The following LMTK2 variants were observed in gnomAD, a reference collection of about 807,000 sequenced individuals.
The protein encoded by LMTK2 is serine/threonine-protein kinase LMTK2.
In LMTK2, 37 loss-of-function variants were observed where a neutral mutation model predicts 127.5. The observed-to-expected ratio is 0.29, with a 90% CI of 0.22 to 0.38. The LOEUF is 0.38. Among genes scored for constraint, LMTK2 ranks in the 10% least tolerant of loss-of-function variants. The probability of loss-of-function intolerance (pLI) is 1.00; values close to 1 mark genes in which losing one functional copy is unlikely to be tolerated. For synonymous variants in LMTK2, 819 were observed against 810.1 expected (o/e 1.01, Z -0.19); for missense variants, 1,694 against 1,920.3 (o/e 0.88, Z 2.20).
chr7:98,170,736 T>C (rs1338139675), intron 6 of LMTK2, among the ~76,000 whole-genome samples: 2 of 152,138 alleles, frequency 1.3e-5, no homozygotes, highest in African/African-American at 2.4e-5. Flanking sequence ...CCTCAGAAGG[T>C]GTTCCCCATA....
Position 98,193,615 on chromosome 7 carries a change from C to T in LMTK2, c.3150C>T (p.Gly1050=), listed in dbSNP as rs757965564. 7 of 1,613,918 alleles carry T rather than the reference C, an allele frequency of 4.3e-6. No individual in the cohort carries two copies. Among genetic ancestry groups the T allele is most frequent in the East Asian group, 4.5e-5 (2 of 44,892 alleles). Residue 1050 remains glycine, a synonymous_variant, in exon 11 of 14, where the codon GGC becomes GGT. Coordinates refer to ENST00000297293, the MANE Select transcript of LMTK2 (RefSeq NM_014916.4). This position sits in a 1 kb window ranked among gnomAD's most constrained non-coding sequence, Gnocchi z 4.1. Reference sequence around the variant, plus strand: ...GGACCTTGCATCCCGCTCCCGAGGGCACCGCAGACTCAGAACCAGCCACCA... The same window carrying T: ...GGACCTTGCATCCCGCTCCCGAGGGTACCGCAGACTCAGAACCAGCCACCA... ...PEWTLHPAPE[G]TADSEPATTG... is the part of the protein sequence containing the mutation.
chr7:98,192,563 T>C lies in LMTK2; in HGVS notation c.2098T>C (p.Cys700Arg), dbSNP rs763070705. ...PRKIFDSEPL[C>R]LSDNLMHQDN... ...TAAGATTTTTGACAGTGAGCCTCTC[T>C]GCCTATCAGATAATCTTATGCACCA... Residue 700 changes from cysteine (C) to arginine (R), a missense_variant, in exon 11 of 14, where the codon TGC becomes CGC. Around this residue, in one of 8 missense-constraint regions of LMTK2, gnomAD observed 527 missense variants for 539.8 expected, o/e 0.98. Transcript: ENST00000297293. 2.5e-6 allele frequency: 4 copies of C among 1,613,382 alleles called. No individual in the cohort carries two copies. The highest frequency in any genetic ancestry group is 4.5e-5 in the East Asian group (2 of 44,890).
chr7:98,192,125 C>A lies in LMTK2; in HGVS notation c.1660C>A (p.Gln554Lys), dbSNP rs1171484374. ...TTCTGTTGGAAGCGACTATTATATC[C>A]AGTTAGAAGAAAAAAGTGGTAGTAA... is the stretch of plus-strand genomic sequence containing the variant. The part of the protein sequence containing the change: ...NLSVGSDYYI[Q>K]LEEKSGSNLE... The change falls in exon 11 of 14, where the codon CAG becomes AAG. Residue 554 changes from glutamine (Q) to lysine (K), a missense_variant. This residue lies in a region of LMTK2 where 527 missense variants were observed against 539.8 expected (regional missense o/e 0.98). Coordinates refer to ENST00000297293, the MANE Select transcript of LMTK2 (RefSeq NM_014916.4). 1 of 1,538,538 alleles carries A rather than the reference C, an allele frequency of 6.5e-7. No individual in the cohort carries two copies. Among genetic ancestry groups the A allele is most frequent in the Admixed American group, 2.1e-5 (1 of 46,982 alleles).
chr7:98,150,452 G>A (rs956337623), intron 3 of LMTK2, among the ~76,000 whole-genome samples: 1 of 152,208 alleles, frequency 6.6e-6, no homozygotes, highest in Non-Finnish European at 1.5e-5. Flanking sequence ...GTTTTAGGAA[G>A]CAGTTGGCAG....
chr7:98,108,457 G>C (rs1472981087), intron 1 of LMTK2, among the ~76,000 whole-genome samples: 1 of 152,176 alleles, frequency 6.6e-6, no homozygotes, highest in Non-Finnish European at 1.5e-5. Context: ...GCTACATCAG[G>C]GTTTGTCATT....
rs1297975526 is a variant in LMTK2 at position 98,193,902 on chromosome 7, C to G, written c.3437C>G (p.Pro1146Arg). 6.2e-7 allele frequency: 1 copy of G among 1,614,158 alleles called. No homozygotes were observed. Among genetic ancestry groups the G allele is most frequent in the Non-Finnish European group, 8.5e-7 (1 of 1,180,032 alleles). The change falls in exon 11 of 14, where the codon CCT becomes CGT. Residue 1146 changes from proline to arginine, a missense_variant. This residue lies in a region of LMTK2 where 554 missense variants were observed against 567.7 expected (regional missense o/e 0.98). Coordinates refer to ENST00000297293, the MANE Select transcript of LMTK2 (RefSeq NM_014916.4). This position sits in a 1 kb window ranked among gnomAD's most constrained non-coding sequence, Gnocchi z 4.1. ...GAGCCAGTCCTCCCCGAGCAAAGTC[C>G]TGCTGCCCAGGATAGCTGCCTGGAA... The part of the protein sequence containing the change: ...LPEPVLPEQS[P>R]AAQDSCLEAR...
At chr7:98,182,930 G>A (rs984346273) in intron 7 of LMTK2, among the ~76,000 whole-genome samples, 1 of 152,174 alleles carries the variant, frequency 6.6e-6, no homozygotes, top group Non-Finnish European at 1.5e-5. Context: ...TGGGGAGGGG[G>A]CGATCAGATT....
rs1797198113 is a variant in LMTK2 at position 98,171,898 on chromosome 7, C to T, written c.791+224C>T. Among the ~76,000 whole-genome samples, 1 of 152,174 alleles carries T rather than the reference C, an allele frequency of 6.6e-6. No homozygotes were observed. The highest frequency in any genetic ancestry group is 2.4e-5 in the African/African-American group (1 of 41,434). The stretch of plus-strand genomic sequence containing the variant: ...GATGTCTTAATACATTTATTATTTC[C>T]AGCATTTCAAAGAATGTGAATAGTT... On this transcript the variant is annotated intron_variant, in intron 7 of 13. Coordinates refer to ENST00000297293, the MANE Select transcript of LMTK2 (RefSeq NM_014916.4). This position sits in a 1 kb window ranked among gnomAD's most constrained non-coding sequence, Gnocchi z 5.1.
intron 6 of LMTK2, among the ~76,000 whole-genome samples, chr7:98,162,908 G>A (rs78245063): frequency 0.012 from 1,851 of 152,272 alleles, 17 homozygotes; most frequent in Admixed American, 0.02. Context: ...TGGGTGAATG[G>A]ATAAACCAAA....
chr7:98,171,584 G>C lies in LMTK2; in HGVS notation c.701G>C (p.Arg234Pro), dbSNP rs755759182. 14 of 1,613,536 alleles carry C rather than the reference G, an allele frequency of 8.7e-6. No individual in the cohort carries two copies. The East Asian group carries it at 8.9e-5, about 10-fold the overall frequency. ...CTGCGCAGCGAGCAGGAGCACATGC[G>C]GGGGGACTCACAGACCATGCTGCTG... Reference protein sequence around the residue: ...AYLRSEQEHMRGDSQTMLLQR... With the variant: ...AYLRSEQEHMPGDSQTMLLQR... The change falls in exon 7 of 14, where the codon CGG (arginine) becomes CCG (proline). Residue 234 changes from arginine (R) to proline (P), a missense_variant. This residue lies in a region of LMTK2 where 203 missense variants were observed against 226.2 expected (regional missense o/e 0.90). Coordinates refer to ENST00000297293, the MANE Select transcript of LMTK2 (RefSeq NM_014916.4). The surrounding 1 kb of genome is among the most constrained non-coding windows in gnomAD (Gnocchi z 5.1).
rs1166888180 is a variant in LMTK2 at position 98,192,609 on chromosome 7, A to G, written c.2144A>G (p.Asn715Ser). The part of the protein sequence containing the change: ...LMHQDNFDPL[N>S]VQELSENFLF... ...CACCAAGATAATTTTGATCCATTGA[A>G]TGTTCAAGAATTGTCAGAAAACTTT... The change falls in exon 11 of 14, where the codon AAT becomes AGT. Residue 715 changes from asparagine (N) to serine (S), a missense_variant. This residue lies in a region of LMTK2 where 527 missense variants were observed against 539.8 expected (regional missense o/e 0.98). Coordinates refer to ENST00000297293, the MANE Select transcript of LMTK2 (RefSeq NM_014916.4). The G allele has an allele frequency of 1.2e-6, 2 of 1,613,134 alleles. No individual in the cohort carries two copies. The highest frequency in any genetic ancestry group is 2.2e-5 in the East Asian group (1 of 44,882).
intron 2 of LMTK2, among the ~76,000 whole-genome samples, chr7:98,140,081 T>TTA (rs1562902435): frequency 5.1e-4 from 56 of 110,508 alleles, no homozygotes; most frequent in African/African-American, 1.9e-3. Flanking sequence ...TCCACAACTT[T>TTA]CTTTCTTTCT....
rs772476403 is a variant in LMTK2 at position 98,194,433 on chromosome 7, G to A, written c.3968G>A (p.Ser1323Asn). The A allele has an allele frequency of 1.9e-6, 3 of 1,614,142 alleles. No individual in the cohort carries two copies. The highest frequency in any genetic ancestry group is 2.2e-5 in the East Asian group (1 of 44,870). Reference protein sequence around the residue: ...ETEHPVPIILSNEDGRHLRSL... With the variant: ...ETEHPVPIILNNEDGRHLRSL... ...GAGCACCCCGTGCCCATCATCCTCA[G>A]CAACGAGGACGGAAGGCACCTGCGG... is the stretch of plus-strand genomic sequence containing the variant. The change falls in exon 11 of 14, where the codon AGC becomes AAC. Residue 1323 changes from serine to asparagine, a missense_variant. This residue lies in a region of LMTK2 where 554 missense variants were observed against 567.7 expected (regional missense o/e 0.98). Transcript: ENST00000297293. The surrounding 1 kb of genome is among the most constrained non-coding windows in gnomAD (Gnocchi z 5.4).
intron 10 of LMTK2, 62 bp downstream of exon 10, chr7:98,190,939 CA>C: frequency 1.5e-6 from 2 of 1,374,474 alleles, no homozygotes; most frequent in Non-Finnish European, 2.0e-6. Context: ...CCCCAAAACA[CA>C]AAAAAATTCG....
At chr7:98,199,345 T>C (rs1797675436) in intron 11 of LMTK2, among the ~76,000 whole-genome samples, 1 of 152,252 alleles carries the variant, frequency 6.6e-6, no homozygotes, top group Non-Finnish European at 1.5e-5. Context: ...CTATTTCTCT[T>C]TTCATTTCTG....
intron 1 of LMTK2, among the ~76,000 whole-genome samples, chr7:98,111,762 A>G (rs1452710654): frequency 1.3e-5 from 2 of 152,258 alleles, no homozygotes; most frequent in Admixed American, 6.5e-5. Context: ...GTAGCTGCGT[A>G]ACATGGCATG....
chr7:98,158,142 T>C (rs1796957390), intron 5 of LMTK2, among the ~76,000 whole-genome samples: 1 of 152,246 alleles, frequency 6.6e-6, no homozygotes. Flanking sequence ...ATATTTTCTT[T>C]TGGACACAAT....
intron 11 of LMTK2, among the ~76,000 whole-genome samples, chr7:98,202,533 A>C (rs1297380266): frequency 6.6e-6 from 1 of 152,146 alleles, no homozygotes; most frequent in East Asian, 1.9e-4. Context: ...CCATGTGTAA[A>C]TGCTGTGAAT....
intron 1 of LMTK2, among the ~76,000 whole-genome samples, chr7:98,126,062 C>T (rs1796439849): frequency 6.6e-6 from 1 of 152,162 alleles, no homozygotes; most frequent in Non-Finnish European, 1.5e-5. Context: ...CAGCAGGGCT[C>T]TGAGAACATA....
Sources: allele counts gnomAD v4.1 joint callset (sites outside exome capture counted in the v4.1 genomes callset), GRCh38; gene constraint gnomAD v4.1.1; regional missense constraint gnomAD v4.1.1; non-coding constraint Gnocchi (gnomAD v3.1); transcripts MANE v1.5; gene names NCBI Gene and HGNC (gene_info 2026-07-23, HGNC 2026-07-21).